Variants in RAD54L2 observed in about 807,000 individuals in gnomAD.
RAD54L2 encodes the protein helicase ARIP4.
RAD54L2 carries 27 observed loss-of-function variants against 138.4 expected under a neutral mutation model. That is an observed-to-expected ratio of 0.20 (90% CI 0.14 to 0.27). The LOEUF (loss-of-function observed/expected upper bound fraction) is 0.27. Ranked by LOEUF, RAD54L2 falls within the 10% of genes least tolerant of loss-of-function variation. The probability of loss-of-function intolerance (pLI) is 1.00; values close to 1 mark genes in which losing one functional copy is unlikely to be tolerated. For missense variants in RAD54L2, 1,396 were observed against 1,890.2 expected (o/e 0.74, Z 4.85); for synonymous variants, 644 against 723.2 (o/e 0.89, Z 1.76).
chr3:51,659,295 T>C (rs903331541), intron 21 of RAD54L2, among the ~76,000 whole-genome samples: 1 of 151,784 alleles, frequency 6.6e-6, no homozygotes, highest in Admixed American at 6.6e-5. Context: ...TTAGTAGAGA[T>C]GGGGTTTCAC....
intron 19 of RAD54L2, among the ~76,000 whole-genome samples, chr3:51,655,676 T>C (rs1701580646): frequency 6.6e-6 from 1 of 152,180 alleles, no homozygotes; most frequent in Non-Finnish European, 1.5e-5. Context: ...CTAATGTAGA[T>C]AGTCCAGGTT....
chr3:51,589,623 G>A (rs553617100), intron 2 of RAD54L2, among the ~76,000 whole-genome samples: 71 of 150,180 alleles, frequency 4.7e-4, no homozygotes, highest in Non-Finnish European at 8.3e-4. Flanking sequence ...TGTCATTTTC[G>A]CACAATTGTA....
chr3:51,602,032 A>C (rs1700093320), intron 3 of RAD54L2, among the ~76,000 whole-genome samples: 1 of 151,822 alleles, frequency 6.6e-6, no homozygotes, highest in Middle Eastern at 3.4e-3. Flanking sequence ...CGGTTTCACC[A>C]TGTTGGCCAG....
chr3:51,591,932 T>G (rs1183218376), intron 3 of RAD54L2, among the ~76,000 whole-genome samples: 2 of 152,146 alleles, frequency 1.3e-5, no homozygotes, highest in African/African-American at 4.8e-5. Context: ...CTTGTAAAAT[T>G]GTTAATTATT....
intron 2 of RAD54L2, among the ~76,000 whole-genome samples, chr3:51,545,931 C>CTTTTTT (rs781819728): frequency 1.1e-4 from 9 of 79,464 alleles, no homozygotes; most frequent in African/African-American, 3.1e-4. Flanking sequence ...TACATCAATT[C>CTTTTTT]TTTTTTTTTT....
intron 2 of RAD54L2, among the ~76,000 whole-genome samples, chr3:51,572,852 C>T (rs1455055491): frequency 6.6e-6 from 1 of 151,688 alleles, no homozygotes; most frequent in Admixed American, 6.6e-5. Context: ...GTTGGCCAGG[C>T]CGGTCTCGAA....
At chr3:51,601,304 G>A (rs1361839134) in intron 3 of RAD54L2, among the ~76,000 whole-genome samples, 1 of 145,748 alleles carries the variant, frequency 6.9e-6, no homozygotes, top group Non-Finnish European at 1.5e-5. Context: ...GAACCACTGC[G>A]CCCGGCTTTT....
In RAD54L2 at chr3:51,641,836, A is replaced by G. The variant is rs761867324; in HGVS notation, c.2319A>G (p.Ala773=). The change falls in exon 15 of 23, where the codon GCA becomes GCG. Residue 773 remains alanine (A), a synonymous_variant. Coordinates refer to ENST00000684192, the MANE Select transcript of RAD54L2 (RefSeq NM_015106.4). ...CACCTGGTACCGAGGGGCAAGGAGC[A>G]CAGAAGTGGGTTCGAAACATCAGCT... ...PCPPGTEGQG[A]QKWVRNISYF... is the part of the protein sequence containing the mutation. 11 of 1,595,454 alleles carry G rather than the reference A, an allele frequency of 6.9e-6. No individual in the cohort carries two copies. The African/African-American group carries it at 1.5e-4, about 21-fold the overall frequency.
At chr3:51,613,925 C>T (rs560365142) in intron 3 of RAD54L2, among the ~76,000 whole-genome samples, 10 of 152,254 alleles carry the variant, frequency 6.6e-5, no homozygotes, top group East Asian at 1.9e-4. Flanking sequence ...TTGGTTGTTA[C>T]GATCAGGATG....
chr3:51,626,436 CTTTTTTTTTTTT>C (rs768354274), intron 3 of RAD54L2, among the ~76,000 whole-genome samples: 3 of 39,392 alleles, frequency 7.6e-5, no homozygotes, highest in Non-Finnish European at 1.2e-4. Flanking sequence ...CCCCAACGAT[CTTTTTTTTTTTT>C]TTTTTTTTTT....
chr3:51,642,806 G>C (rs1041312624), intron 15 of RAD54L2, among the ~76,000 whole-genome samples: 1 of 152,222 alleles, frequency 6.6e-6, no homozygotes, highest in East Asian at 1.9e-4. Flanking sequence ...GTGGCTCAGA[G>C]CTTGCCCTAT....
chr3:51,656,053 C>T lies in RAD54L2; in HGVS notation c.3109C>T (p.His1037Tyr), dbSNP rs769678792. 1.2e-6 allele frequency: 2 copies of T among 1,614,010 alleles called. No individual in the cohort carries two copies. Among genetic ancestry groups the T allele is most frequent in the South Asian group, 2.2e-5 (2 of 91,084 alleles). Residue 1037 changes from histidine (H) to tyrosine (Y), a missense_variant, in exon 20 of 23, where the codon CAT (histidine) becomes TAT (tyrosine). By Grantham distance (83) the His-to-Tyr change is moderately conservative (BLOSUM62 2). Around this residue, in one of 7 missense-constraint regions of RAD54L2, gnomAD observed 634 missense variants for 711.2 expected, o/e 0.89. Coordinates refer to ENST00000684192, the MANE Select transcript of RAD54L2 (RefSeq NM_015106.4). ...CACCCCCATCCCCATGATGCCCCGG[C>T]ATGTCCCATTGGGAGGAAGTGTAAG... ...QSTPIPMMPR[H>Y]VPLGGSVSSA... is the part of the protein sequence containing the mutation.
chr3:51,663,506 A>C lies in RAD54L2; in HGVS notation c.*86A>C. The stretch of plus-strand genomic sequence containing the variant: ...GCAGTGATTTAGACCTTTTGAGAAT[A>C]GGACACTTGGCAGGAGGGAAAAGGA... On this transcript the variant is annotated 3_prime_UTR_variant, in exon 23 of 23. Transcript: ENST00000684192. 7.2e-7 allele frequency: 1 copy of C among 1,391,142 alleles called. No individual in the cohort carries two copies. Among genetic ancestry groups the C allele is most frequent in the Non-Finnish European group, 9.7e-7 (1 of 1,032,764 alleles). The allele number at this position is 1,391,142 out of a possible 1,614,324, so 86.2% of individuals were successfully genotyped here.
chr3:51,610,017 T>C (rs1269642606), intron 3 of RAD54L2, among the ~76,000 whole-genome samples: 1 of 151,244 alleles, frequency 6.6e-6, no homozygotes, highest in African/African-American at 2.4e-5. Context: ...GCGCCTGTAG[T>C]CCCAGCTACT....
intron 2 of RAD54L2, among the ~76,000 whole-genome samples, chr3:51,546,041 TG>T (rs1698684386): frequency 6.7e-6 from 1 of 148,256 alleles, no homozygotes; most frequent in Non-Finnish European, 1.5e-5. Flanking sequence ...TGGGTTCAAG[TG>T]ATTCTCCTGC....
At chr3:51,628,838 C>A (rs1406961526) in intron 4 of RAD54L2, among the ~76,000 whole-genome samples, 1 of 152,024 alleles carries the variant, frequency 6.6e-6, no homozygotes, top group Non-Finnish European at 1.5e-5. Context: ...GCCTCAGCCT[C>A]CTGAGTAGCT....
Position 51,630,914 on chromosome 3 carries a change from G to A in RAD54L2, c.808G>A (p.Ala270Thr), listed in dbSNP as rs1319838498. 1 of 1,612,708 alleles carries A rather than the reference G, an allele frequency of 6.2e-7. No homozygotes were observed. Among genetic ancestry groups the A allele is most frequent in the Admixed American group, 1.7e-5 (1 of 60,036 alleles). Residue 270 changes from alanine to threonine, a missense_variant, in exon 7 of 23, where the codon GCT becomes ACT. By Grantham distance (58) the Ala-to-Thr change is moderately conservative. Around this residue, in one of 7 missense-constraint regions of RAD54L2, gnomAD observed 256 missense variants for 344.6 expected, o/e 0.74. Transcript: ENST00000684192. ...CTTCCTTGCCCCACAGTTGGCACGG[G>A]CTGTGAAACCTCATCAGGTACAGCA... Reference protein sequence around the residue: ...NVFLAPQLARAVKPHQIGGIR... With the variant: ...NVFLAPQLARTVKPHQIGGIR...
Position 51,566,500 on chromosome 3 carries a change from G to A in RAD54L2, c.-54-23867G>A, listed in dbSNP as rs111930557. Among the ~76,000 whole-genome samples, 413 of 72,706 alleles carry A rather than the reference G, an allele frequency of 5.7e-3. 1 individual carries two copies. Among genetic ancestry groups the A allele is most frequent in the African/African-American group, 0.024 (381 of 16,170 alleles). 47.7% of individuals were successfully genotyped at this position (72,706 alleles called of 152,430 possible). A position where few individuals can be genotyped will look rare whatever the true frequency, so the allele number is the denominator to read the frequency against. ...TTTTTTTTTTTTTTTTTTTTTTAATGACAGAGTCTCAGTCTGTCACCCAGG... is the reference window on the plus strand; with the variant it reads ...TTTTTTTTTTTTTTTTTTTTTTAATAACAGAGTCTCAGTCTGTCACCCAGG... On this transcript the variant is annotated intron_variant, in intron 2 of 22. Transcript: ENST00000684192.
At position 51,645,605 on chromosome 3, in the gene RAD54L2, G is replaced by GATC. The variant is rs1455100295; in HGVS notation, c.2672_2674dup (p.Asp891_Leu892insHis). The GATC allele has an allele frequency of 6.2e-7, 1 of 1,611,392 alleles. No individual in the cohort carries two copies. The highest frequency in any genetic ancestry group is 8.5e-7 in the Non-Finnish European group (1 of 1,178,886). On this transcript the variant is annotated inframe_insertion, in exon 18 of 23. Coordinates refer to ENST00000684192, the MANE Select transcript of RAD54L2 (RefSeq NM_015106.4). The surrounding 1 kb of genome is among the most constrained non-coding windows in gnomAD (Gnocchi z 6.1). ...TATCCTTCTAGATCGGGTGGTGGAT[G>GATC]ATCTAAATCCAATGCTGAACTTCAC...
Sources: allele counts gnomAD v4.1 joint callset (sites outside exome capture counted in the v4.1 genomes callset), GRCh38; gene constraint gnomAD v4.1.1; regional missense constraint gnomAD v4.1.1; non-coding constraint Gnocchi (gnomAD v3.1); transcripts MANE v1.5; gene names NCBI Gene and HGNC (gene_info 2026-07-23, HGNC 2026-07-21).